NBPF14: variants seen among roughly 807,000 people sequenced by gnomAD.
NBPF14 encodes the protein NBPF member 14, also known as NBPF family member NBPF14.
A neutral mutation model predicts 91.2 loss-of-function variants in NBPF14; 104 were observed. The ratio of observed to expected loss-of-function variants is 1.14; its 90% CI spans 0.97 to 1.34. The LOEUF (loss-of-function observed/expected upper bound fraction) is 1.34. Among genes scored for constraint, NBPF14 ranks in the 40% most tolerant of loss-of-function variants. NBPF14 has a pLI of 0.00. For missense variants in NBPF14, 908 were observed against 783.0 expected (o/e 1.16, Z -1.91); for synonymous variants, 294 against 303.8 (o/e 0.97, Z 0.34).
intron 2 of NBPF14, among the ~76,000 whole-genome samples, 189 bp downstream of exon 2, chr1:148,595,354 C>G (rs1409199135): frequency 2.7e-5 from 4 of 148,352 alleles, no homozygotes; most frequent in African/African-American, 5.0e-5. Flanking sequence ...TGATTGCAAA[C>G]ATGGAAAGTT....
At chr1:148,561,929 C>T (rs1657885347) in intron 34 of NBPF14, among the ~76,000 whole-genome samples, 1 of 122,188 alleles carries the variant, frequency 8.2e-6, no homozygotes, top group Non-Finnish European at 1.6e-5. Context: ...GGACACACAG[C>T]ATACAGGGAT....
chr1:148,532,153 T>C (rs1206391392), exon 71 of NBPF14: 1 of 152,288 alleles, frequency 6.6e-6, no homozygotes, highest in Non-Finnish European at 1.5e-5. Context: ...TGTTGTGTGA[T>C]TTGTGGTGAT....
At chr1:148,566,540 C>A (rs1314179342) in intron 28 of NBPF14, among the ~76,000 whole-genome samples, 67 of 102,344 alleles carry the variant, frequency 6.5e-4, no homozygotes, top group Admixed American at 2.2e-3. Flanking sequence ...CACACACACA[C>A]AAACACACAC....
In NBPF14 at chr1:148,539,295, G is replaced by C. The variant is rs1308833861; in HGVS notation, c.7882+115C>G. On this transcript the variant is annotated intron_variant, in intron 63 of 70. Transcript: ENST00000619423. ...CTTTACAACCTATATGCGCCCATAG[G>C]TCCTGACTGCGGCAATGACGTCTCT... The C allele has an allele frequency of 4.1e-5, 26 of 636,880 alleles. 4 individuals are homozygous for C. Among genetic ancestry groups the C allele is most frequent in the Admixed American group, 1.0e-4 (5 of 49,120 alleles). The allele number at this position is 636,880 out of a possible 1,614,324, so 39.5% of individuals were successfully genotyped here.
chr1:148,566,124 T>C lies in NBPF14; in HGVS notation c.3715+19A>G, dbSNP rs1658221332. On this transcript the variant is annotated intron_variant, in intron 29 of 70. Coordinates refer to ENST00000619423, the Ensembl canonical transcript of NBPF14. ...GAAGACTCAGTGGATCCTTATCACCTTCATAGAAAGGTACTCACCTCCCAC... is the reference window on the plus strand; with the variant it reads ...GAAGACTCAGTGGATCCTTATCACCCTCATAGAAAGGTACTCACCTCCCAC... 2 of 476,012 alleles carry C rather than the reference T, an allele frequency of 4.2e-6. No homozygotes were observed. The highest frequency in any genetic ancestry group is 7.2e-6 in the Non-Finnish European group (2 of 279,136). 29.5% of individuals were successfully genotyped at this position (476,012 alleles called of 1,614,324 possible).
At chr1:148,590,040 C>CTTTT (rs1196401979) in intron 6 of NBPF14, among the ~76,000 whole-genome samples, 3 of 76,334 alleles carry the variant, frequency 3.9e-5, no homozygotes, top group Non-Finnish European at 7.7e-5. Context: ...CAGAGACTTA[C>CTTTT]TTTTTTTTTT....
At chr1:148,534,165 A>C (rs1428499619) in intron 69 of NBPF14, among the ~76,000 whole-genome samples, 196 bp from the exon 70 acceptor site, 2 of 148,666 alleles carry the variant, frequency 1.3e-5, no homozygotes, top group Non-Finnish European at 3.0e-5. Flanking sequence ...ACTGTGGGTA[A>C]AATGTCCCTA....
chr1:148,559,558 G>A (rs1175880806), intron 37 of NBPF14, among the ~76,000 whole-genome samples: 6 of 122,162 alleles, frequency 4.9e-5, no homozygotes, highest in East Asian at 4.9e-4. Context: ...TGTCATGAGA[G>A]TAGGATTAGG....
At chr1:148,535,235 C>A (rs1261093501) in intron 68 of NBPF14, among the ~76,000 whole-genome samples, 7 of 150,372 alleles carry the variant, frequency 4.7e-5, no homozygotes, top group Non-Finnish European at 7.4e-5. Context: ...TGCCATACAG[C>A]CTTTGAGGTA....
chr1:148,593,465 G>T, intron 3 of NBPF14, 133 bp downstream of exon 3: 1 of 646,444 alleles, frequency 1.5e-6, no homozygotes, highest in Non-Finnish European at 2.7e-6. Flanking sequence ...AAATATTTTT[G>T]TGTCATGAGC....
chr1:148,595,264 G>A (rs1273078812), intron 2 of NBPF14, among the ~76,000 whole-genome samples: 1 of 147,988 alleles, frequency 6.8e-6, no homozygotes, highest in African/African-American at 2.5e-5. Context: ...ACACGATTGA[G>A]CCCCTTGGAG....
chr1:148,557,640 C>G (rs1232784391), intron 39 of NBPF14, 98 bp from the exon 40 acceptor site: 3 of 587,196 alleles, frequency 5.1e-6, no homozygotes, highest in Non-Finnish European at 8.8e-6. Flanking sequence ...TCAGGCTCCT[C>G]AGCATGAGAA....
intron 59 of NBPF14, among the ~76,000 whole-genome samples, chr1:148,542,042 C>G (rs1655611950): frequency 1.3e-5 from 1 of 79,478 alleles, no homozygotes; most frequent in East Asian, 7.0e-4. Context: ...GTAAAATGTC[C>G]CTATTCTAGT....
chr1:148,534,305 G>A (rs1336574134), intron 69 of NBPF14, among the ~76,000 whole-genome samples: 1 of 151,764 alleles, frequency 6.6e-6, no homozygotes, highest in Non-Finnish European at 1.5e-5. Context: ...ATTTAGCCCT[G>A]TCTCATCAAA....
At chr1:148,576,994 C>T (rs1178299763) in intron 15 of NBPF14, among the ~76,000 whole-genome samples, 189 bp downstream of exon 15, 1 of 145,368 alleles carries the variant, frequency 6.9e-6, no homozygotes, top group Non-Finnish European at 1.5e-5. Flanking sequence ...GGAAGAGAGC[C>T]TTGCTCACTG....
rs1367097616 is a variant in NBPF14, at chr1:148,566,386, A to C, written c.3543-71T>G. ...CACAACAGAGCCTCAACTAGGTTTCATGGGTAGCATAGGGAAGTGGTTAAA... is the reference window on the plus strand; with the variant it reads ...CACAACAGAGCCTCAACTAGGTTTCCTGGGTAGCATAGGGAAGTGGTTAAA... On this transcript the variant is annotated intron_variant, in intron 28 of 70. Coordinates refer to ENST00000619423, the Ensembl canonical transcript of NBPF14. The C allele has an allele frequency of 2.1e-5, 15 of 720,570 alleles. 3 individuals are homozygous for C. The highest frequency in any genetic ancestry group is 1.7e-4 in the South Asian group (12 of 68,576). The allele number at this position is 720,570 out of a possible 1,614,324, so 44.6% of individuals were successfully genotyped here. A position where few individuals can be genotyped will look rare whatever the true frequency, so the allele number is the denominator to read the frequency against.
chr1:148,593,458 T>C, intron 3 of NBPF14, 140 bp downstream of exon 3: 1 of 645,026 alleles, frequency 1.6e-6, no homozygotes, highest in African/African-American at 1.9e-5. Context: ...CTCTGATAAA[T>C]ATTTTTGTGT....
chr1:148,572,450 G>T lies in NBPF14; in HGVS notation c.2751C>A (p.Asp917Glu), dbSNP rs1473149598. 8.1e-3 allele frequency: 4,158 copies of T among 513,808 alleles called. 481 individuals carry two copies. Among genetic ancestry groups the T allele is most frequent in the East Asian group, 0.081 (2,555 of 31,668 alleles). 31.8% of individuals were successfully genotyped at this position (513,808 alleles called of 1,614,324 possible). Residue 917 changes from aspartate (D) to glutamate (E), a missense_variant, in exon 21 of 71, where the codon GAC becomes GAA. Asp to Glu is a conservative substitution (Grantham distance 45, BLOSUM62 2). Around this residue, in one of 13 missense-constraint regions of NBPF14, gnomAD observed 447 missense variants for 189.1 expected, o/e 2.36. Transcript: ENST00000619423. Reference sequence around the variant, plus strand: ...TCACAGTAAGGTACTCACTGTCCACGTCAAGAGCCAAGCCAAGGTACTGTT... The same window carrying T: ...TCACAGTAAGGTACTCACTGTCCACTTCAAGAGCCAAGCCAAGGTACTGTT...
intron 16 of NBPF14, among the ~76,000 whole-genome samples, chr1:148,576,013 G>T (rs1378679674): frequency 6.8e-6 from 1 of 147,550 alleles, no homozygotes; most frequent in African/African-American, 2.5e-5. Context: ...GGGAGAGGGA[G>T]AGAGAGAGAG....
Sources: gnomAD v4.1 joint callset for allele counts (sites outside exome capture counted in the v4.1 genomes callset) on GRCh38, gnomAD v4.1.1 for gene constraint, gnomAD v4.1.1 regional missense constraint, MANE v1.5 for transcripts, NCBI Gene and HGNC (gene_info 2026-07-23, HGNC 2026-07-21) for gene names.